Variants in MLLT6 observed in about 807,000 individuals in gnomAD.
MLLT6 encodes the protein MLLT6, PHD finger containing.
In MLLT6, 22 loss-of-function variants were observed where a neutral mutation model predicts 103.0. The observed-to-expected ratio is 0.21, with a 90% CI of 0.15 to 0.31. The LOEUF (loss-of-function observed/expected upper bound fraction) is 0.31, where lower values mean the gene tolerates loss of function less well. Among genes scored for constraint, MLLT6 ranks in the 10% least tolerant of loss-of-function variants. The pLI, the probability that MLLT6 is intolerant of heterozygous loss-of-function variation, is 1.00. For missense variants in MLLT6, 1,199 were observed against 1,441.7 expected, an observed-to-expected ratio of 0.83 and a Z score of 2.73; for synonymous variants, 606 against 623.5, an observed-to-expected ratio of 0.97 and a Z score of 0.42.
Position 38,725,716 on chromosome 17 carries a change from T to C in MLLT6, c.*118T>C. On this transcript the variant is annotated 3_prime_UTR_variant, in exon 20 of 20. Coordinates refer to ENST00000621332, the MANE Select transcript of MLLT6 (RefSeq NM_005937.4). ...CTGGAGAGCCTTGACCCAGAGCCTG[T>C]GCTGAGGTCCAGGGAGTGTGGAGAG... 1 of 874,628 alleles carries C rather than the reference T, an allele frequency of 1.1e-6. No individual in the cohort carries two copies. Among genetic ancestry groups the C allele is most frequent in the Admixed American group, 3.1e-5 (1 of 32,132 alleles). 54.2% of individuals were successfully genotyped at this position (874,628 alleles called of 1,614,324 possible).
chr17:38,712,053 G>A (rs1905160412), intron 7 of MLLT6, 39 bp downstream of exon 7: 5 of 1,501,758 alleles, frequency 3.3e-6, no homozygotes, highest in Non-Finnish European at 4.5e-6. Context: ...TCCCACACGG[G>A]GACTTGGAGA....
At chr17:38,717,796 G>A (rs1447668966) in intron 11 of MLLT6, 49 bp from the exon 12 acceptor site, 3 of 1,500,440 alleles carry the variant, frequency 2.0e-6, no homozygotes, top group South Asian at 2.3e-5. Flanking sequence ...ACACAGTTGT[G>A]CTCTAGATCC....
At chr17:38,722,634 T>TGGGGGGTGGGGTGTGG in intron 17 of MLLT6, 44 bp from the exon 18 acceptor site, 1 of 532,162 alleles carries the variant, frequency 1.9e-6, no homozygotes, top group Non-Finnish European at 3.6e-6. Context: ...CCCTCCCCCA[T>TGGGGGGTGGGGTGTGG]GGTCTGTGTG....
In MLLT6 at chr17:38,717,521, G is replaced by A. The variant is rs112442971; in HGVS notation, c.1741G>A (p.Gly581Arg). 1 of 1,613,316 alleles carries A rather than the reference G, an allele frequency of 6.2e-7. No homozygotes were observed. The highest frequency in any genetic ancestry group is 8.5e-7 in the Non-Finnish European group (1 of 1,179,884). The change falls in exon 11 of 20, where the codon GGG (glycine) becomes AGG (arginine). Residue 581 changes from glycine to arginine, a missense_variant. Transcript: ENST00000621332. ...CACCCCTCTCTCCTCCAGCCTCCTG[G>A]GGCCCCCAGGGACCTCGGCCCTGCC... ...CSTPLSSSLL[G>R]PPGTSALPRL...
At chr17:38,721,794 T>TA in intron 16 of MLLT6, 84 bp from the exon 17 acceptor site, 1 of 938,726 alleles carries the variant, frequency 1.1e-6, no homozygotes. Context: ...TGCTGTGCTC[T>TA]GTGAGAATGC....
intron 8 of MLLT6, chr17:38,713,352 G>A (rs1045965259): frequency 8.0e-6 from 3 of 373,638 alleles, no homozygotes; most frequent in Non-Finnish European, 9.5e-6. Flanking sequence ...CTGGCTGAGC[G>A]ATAGGCAGGC....
At position 38,716,769 on chromosome 17, in the gene MLLT6, G is replaced by A. The variant is rs763497566; in HGVS notation, c.1439G>A (p.Arg480His). 9 of 1,609,468 alleles carry A rather than the reference G, an allele frequency of 5.6e-6. No homozygotes were observed. The highest frequency in any genetic ancestry group is 1.7e-4 in the Middle Eastern group (1 of 6,054). Residue 480 changes from arginine to histidine, a missense_variant, in exon 10 of 20, where the codon CGT becomes CAT. By Grantham distance (29) the Arg-to-His change is conservative. Transcript: ENST00000621332. This position sits in a 1 kb window ranked among gnomAD's most constrained non-coding sequence, Gnocchi z 5.6. ...AAGAGGAGCCGCCATGGGCCAGGCC[G>A]TCCCAAGGGCAGCCGGAACAAGGAG... The part of the protein sequence containing the change: ...ASKRSRHGPG[R>H]PKGSRNKEGT...
rs1431262851 is a variant in MLLT6 at position 38,720,664 on chromosome 17, A to C, written c.2359A>C (p.Ser787Arg). ...CTGTGACATCCCTCCCACAGCCGGCAGCAGCGACTCCTTGAGCACCAGCAA... is the reference window on the plus strand; with the variant it reads ...CTGTGACATCCCTCCCACAGCCGGCCGCAGCGACTCCTTGAGCACCAGCAA... Reference protein sequence around the residue: ...GPYGLPPQAGSSDSLSTSKSP... With the variant: ...GPYGLPPQAGRSDSLSTSKSP... Residue 787 changes from serine (S) to arginine (R), a missense_variant, in exon 16 of 20, where the codon AGC becomes CGC. By Grantham distance (110) the Ser-to-Arg change is moderately radical. Coordinates refer to ENST00000621332, the MANE Select transcript of MLLT6 (RefSeq NM_005937.4). 8 of 1,613,760 alleles carry C rather than the reference A, an allele frequency of 5.0e-6. No homozygotes were observed. Among genetic ancestry groups the C allele is most frequent in the Non-Finnish European group, 6.8e-6 (8 of 1,180,028 alleles).
intron 14 of MLLT6, 132 bp from the exon 15 acceptor site, chr17:38,720,240 C>A: frequency 1.1e-6 from 1 of 892,922 alleles, no homozygotes; most frequent in Non-Finnish European, 1.7e-6. Context: ...CAGAGCTCAC[C>A]TGTGTCCCTC....
chr17:38,726,847 T>C lies in MLLT6; in HGVS notation c.*1249T>C, dbSNP rs1431647435. The C allele has an allele frequency of 1.3e-5, 3 of 233,472 alleles. No individual in the cohort carries two copies. The highest frequency in any genetic ancestry group is 4.4e-5 in the African/African-American group (2 of 45,338). 14.5% of individuals were successfully genotyped at this position (233,472 alleles called of 1,614,324 possible). On this transcript the variant is annotated 3_prime_UTR_variant, in exon 20 of 20. Coordinates refer to ENST00000621332, the MANE Select transcript of MLLT6 (RefSeq NM_005937.4). ...CACCCCCACCAACCAGGGGAGCCAC[T>C]AAGCTGACTAACAACTGTCCCCTCA...
chr17:38,712,094 A>G, intron 7 of MLLT6, 80 bp downstream of exon 7: 2 of 1,442,782 alleles, frequency 1.4e-6, no homozygotes, highest in South Asian at 3.0e-5. Context: ...AGCCATCATG[A>G]GGTGCCCTTA....
At chr17:38,715,894 A>C (rs1396406103) in intron 9 of MLLT6, 66 bp downstream of exon 9, 2 of 1,395,832 alleles carry the variant, frequency 1.4e-6, no homozygotes, top group Non-Finnish European at 2.0e-6. Flanking sequence ...CTTTTCTGGC[A>C]AGGGACTTTG....
In MLLT6 at chr17:38,709,692, C is replaced by T; in HGVS notation, c.552+117C>T. 1.4e-6 allele frequency: 1 copy of T among 735,056 alleles called. No individual in the cohort carries two copies. The highest frequency in any genetic ancestry group is 1.5e-5 in the South Asian group (1 of 65,754). The allele number at this position is 735,056 out of a possible 1,614,324, so 45.5% of individuals were successfully genotyped here. ...CTAGGAGGACAGAGAGGGAAAAAACCCAGTCCCTGCCCAAGAGGAGCTCTT... is the reference window on the plus strand; with the variant it reads ...CTAGGAGGACAGAGAGGGAAAAAACTCAGTCCCTGCCCAAGAGGAGCTCTT... On this transcript the variant is annotated intron_variant, in intron 6 of 19. Transcript: ENST00000621332. The surrounding 1 kb of genome is among the most constrained non-coding windows in gnomAD (Gnocchi z 4.3).
At chr17:38,720,011 ACT>A (rs1438447466) in intron 14 of MLLT6, 116 bp downstream of exon 14, 57 of 1,353,778 alleles carry the variant, frequency 4.2e-5, no homozygotes, top group South Asian at 1.5e-4. Flanking sequence ...CCCAGCCTTG[ACT>A]CTCGGCCACC....
Position 38,720,990 on chromosome 17 carries a change from CAAAG to C in MLLT6, c.2442+246_2442+249del, listed in dbSNP as rs1905702030. ...GCTTCTTAAGATAGGCTACCCCAAGCAAAGAAGGAGTAATCACAAACTGGGAGAT... is the reference window on the plus strand; with the variant it reads ...GCTTCTTAAGATAGGCTACCCCAAGCAAGGAGTAATCACAAACTGGGAGAT... On this transcript the variant is annotated intron_variant, in intron 16 of 19. Coordinates refer to ENST00000621332, the MANE Select transcript of MLLT6 (RefSeq NM_005937.4). 5.2e-6 allele frequency: 3 copies of C among 577,654 alleles called. 1 individual carries two copies. The East Asian group carries it at 8.8e-5, about 17-fold the overall frequency. 35.8% of individuals were successfully genotyped at this position (577,654 alleles called of 1,614,324 possible).
chr17:38,707,912 C>A, intron 4 of MLLT6, 40 bp downstream of exon 4: 2 of 1,235,234 alleles, frequency 1.6e-6, no homozygotes, highest in Admixed American at 1.8e-5. Context: ...AGTTCCCTCC[C>A]ATCTATGGGT....
At position 38,722,183 on chromosome 17, in the gene MLLT6, G is replaced by C; in HGVS notation, c.2748G>C (p.Gln916His). ...AAAPNPASLS[Q>H]AGGAPTLQLP... Reference sequence around the variant, plus strand: ...CCCCCAACCCCGCAAGCTTGAGCCAGGCTGGCGGGGCCCCCACGCTGCAGC... The same window carrying C: ...CCCCCAACCCCGCAAGCTTGAGCCACGCTGGCGGGGCCCCCACGCTGCAGC... Residue 916 changes from glutamine (Q) to histidine (H), a missense_variant, in exon 17 of 20, where the codon CAG (glutamine) becomes CAC (histidine). Coordinates refer to ENST00000621332, the MANE Select transcript of MLLT6 (RefSeq NM_005937.4). 3 of 1,367,294 alleles carry C rather than the reference G, an allele frequency of 2.2e-6. No individual in the cohort carries two copies. The highest frequency in any genetic ancestry group is 2.8e-6 in the Non-Finnish European group (3 of 1,065,478). The allele number at this position is 1,367,294 out of a possible 1,614,324, so 84.7% of individuals were successfully genotyped here. A position where few individuals can be genotyped will look rare whatever the true frequency, so the allele number is the denominator to read the frequency against.
chr17:38,712,781 GCTGA>G lies in MLLT6; in HGVS notation c.813_816del (p.Asp272ArgfsTer36). Reference sequence around the variant, plus strand: ...CCTCACCCCGCCCGTGGTCCCCACTGCTGACAAGGTACTGCTGCCCACCTTCAGG... The same window carrying G: ...CCTCACCCCGCCCGTGGTCCCCACTGCAAGGTACTGCTGCCCACCTTCAGG... On this transcript the variant is annotated frameshift_variant, in exon 8 of 20. Coordinates refer to ENST00000621332, the MANE Select transcript of MLLT6 (RefSeq NM_005937.4). LOFTEE classifies it high-confidence loss of function. The G allele has an allele frequency of 6.2e-7, 1 of 1,612,288 alleles. No individual in the cohort carries two copies. The highest frequency in any genetic ancestry group is 1.3e-5 in the African/African-American group (1 of 75,010).
rs1431788003 is a variant in MLLT6 at position 38,722,778 on chromosome 17, C to T, written c.2883+10C>T. On this transcript the variant is annotated intron_variant, in intron 18 of 19. Transcript: ENST00000621332. ...CCCGCAGCTGACCCCGGTAATGCCC[C>T]TCCCTTCCCTGCCTCAGGTGCCCCT... The T allele has an allele frequency of 6.2e-7, 1 of 1,603,260 alleles. No homozygotes were observed. Among genetic ancestry groups the T allele is most frequent in the East Asian group, 2.2e-5 (1 of 44,794 alleles).
Sources: gnomAD v4.1 joint callset for allele counts on GRCh38, gnomAD v4.1.1 for gene constraint, Gnocchi (gnomAD v3.1) non-coding constraint, MANE v1.5 for transcripts, NCBI Gene and HGNC (gene_info 2026-07-23, HGNC 2026-07-21) for gene names.